Variants in ZNF518A observed in about 807,000 individuals in gnomAD.
ZNF518A encodes the protein zinc finger protein 518A.
Under a neutral mutation model 102.7 loss-of-function variants are expected in ZNF518A, and 47 were observed. The observed-to-expected ratio is 0.46, with a 90% CI of 0.36 to 0.58. The LOEUF (loss-of-function observed/expected upper bound fraction) is 0.58, where lower values mean the gene tolerates loss of function less well. Ranked by LOEUF, ZNF518A falls within the 20% of genes least tolerant of loss-of-function variation. ZNF518A has a pLI of 0.00. For missense variants in ZNF518A, 1,793 were observed against 1,699.8 expected, an observed-to-expected ratio of 1.05 and a Z score of -0.96; for synonymous variants, 652 against 594.6, an observed-to-expected ratio of 1.10 and a Z score of -1.40.
Position 96,156,590 on chromosome 10 carries a change from G to GT in ZNF518A, c.269dup (p.Ser91LysfsTer11). On this transcript the variant is annotated frameshift_variant, in exon 6 of 6. Coordinates refer to ENST00000316045, the MANE Select transcript of ZNF518A (RefSeq NM_001330736.2). LOFTEE classifies it high-confidence loss of function. Reference sequence around the variant, plus strand: ...AAGAAAATCTATCAGTATAAAGACTGTAAGCTGTGTAGAGGAGTGTACATT... The same window carrying GT: ...AAGAAAATCTATCAGTATAAAGACTGTTAAGCTGTGTAGAGGAGTGTACATT... 6.2e-7 allele frequency: 1 copy of GT among 1,613,796 alleles called. No homozygotes were observed. Among genetic ancestry groups the GT allele is most frequent in the Non-Finnish European group, 8.5e-7 (1 of 1,179,760 alleles).
intron 3 of ZNF518A, among the ~76,000 whole-genome samples, chr10:96,134,299 C>A (rs782013678): frequency 1.3e-5 from 2 of 152,168 alleles, no homozygotes; most frequent in Non-Finnish European, 2.9e-5. Flanking sequence ...GGCGCGATCT[C>A]GGCTCACTAC....
chr10:96,152,259 G>A (rs1444859074), intron 3 of ZNF518A, among the ~76,000 whole-genome samples: 5 of 152,300 alleles, frequency 3.3e-5, no homozygotes, highest in East Asian at 1.9e-4. Context: ...GCTGCAGTGA[G>A]CTGAGATCAC....
In ZNF518A at chr10:96,159,176, G is replaced by C; in HGVS notation, c.2854G>C (p.Val952Leu). The C allele has an allele frequency of 6.2e-7, 1 of 1,613,748 alleles. No homozygotes were observed. The highest frequency in any genetic ancestry group is 8.5e-7 in the Non-Finnish European group (1 of 1,179,750). ...CATTACTAACAAGCCTGGGCTACCA[G>C]TTATTCCTGGAAATGCACTTCCATT... ...LNITNKPGLP[V>L]IPGNALPLVN... Residue 952 changes from valine to leucine, a missense_variant, in exon 6 of 6, where the codon GTT becomes CTT. Transcript: ENST00000316045.
chr10:96,189,895 C>T (rs1177637824), intron 1 of ZNF518A: 5 of 1,048,912 alleles, frequency 4.8e-6, no homozygotes, highest in Non-Finnish European at 5.9e-6. Flanking sequence ...CACTAATATG[C>T]ACTGGCCCTG....
intron 1 of ZNF518A, among the ~76,000 whole-genome samples, chr10:96,203,401 A>C (rs1554896688): frequency 6.6e-6 from 1 of 152,182 alleles, no homozygotes. Context: ...GCATGTGGAC[A>C]ATTACTGTTT....
chr10:96,148,517 T>C lies in ZNF518A; in HGVS notation c.-301-6809T>C, dbSNP rs2082275909. On this transcript the variant is annotated intron_variant, in intron 3 of 5. Transcript: ENST00000316045. ...CTTTTTTTGATTTAATTGGTCTGGA[T>C]CTTGAACTAATATTAGAGGGTTTTC... Among the ~76,000 whole-genome samples the C allele has an allele frequency of 2.0e-5, 3 of 147,960 alleles. No individual in the cohort carries two copies. In the South Asian group the frequency reaches 6.6e-4, roughly 32 times the overall value.
At chr10:96,182,095 A>G (rs2083243809) in intron 1 of ZNF518A, among the ~76,000 whole-genome samples, 1 of 152,170 alleles carries the variant, frequency 6.6e-6, no homozygotes, top group Non-Finnish European at 1.5e-5. Flanking sequence ...TTCTCTTTGA[A>G]GCAATTGTGA....
At position 96,144,269 on chromosome 10, in the gene ZNF518A, A is replaced by G. The variant is rs141217875; in HGVS notation, c.-302+10621A>G. 7.1e-3 allele frequency among the ~76,000 whole-genome samples: 1,077 copies of G among 152,254 alleles called. 13 individuals are homozygous for G. Among genetic ancestry groups the G allele is most frequent in the African/African-American group, 0.023 (964 of 41,540 alleles). On this transcript the variant is annotated intron_variant, in intron 3 of 5. Coordinates refer to ENST00000316045, the MANE Select transcript of ZNF518A (RefSeq NM_001330736.2). ...CCAAAGTGCTAGGATTATAGGCATG[A>G]GTCACCATGCCCAGCCTACAACTTC... is the stretch of plus-strand genomic sequence containing the variant.
chr10:96,197,167 G>T, intron 1 of ZNF518A: 1 of 837,592 alleles, frequency 1.2e-6, no homozygotes, highest in Non-Finnish European at 1.8e-6. Flanking sequence ...CATTCCAAAG[G>T]TAAATTATTT....
At chr10:96,201,223 G>A (rs587630683) in intron 1 of ZNF518A, among the ~76,000 whole-genome samples, 12 of 152,254 alleles carry the variant, frequency 7.9e-5, no homozygotes, top group South Asian at 6.2e-4. Context: ...TGGAAATCTC[G>A]AAAATCCTTT....
At chr10:96,165,489 A>AAG (rs2083129911), downstream of ZNF518A, among the ~76,000 whole-genome samples, 1 of 71,964 alleles carries the variant, frequency 1.4e-5, no homozygotes, top group Non-Finnish European at 3.6e-5. Context: ...AAAAAAAAAA[A>AAG]CAGACACCAA....
intron 3 of ZNF518A, among the ~76,000 whole-genome samples, chr10:96,134,108 C>T (rs2081478707): frequency 6.6e-6 from 1 of 152,146 alleles, no homozygotes; most frequent in Non-Finnish European, 1.5e-5. Flanking sequence ...ACATGAAGCT[C>T]AAAGGCAATC....
At chr10:96,148,177 C>T (rs921145292) in intron 3 of ZNF518A, among the ~76,000 whole-genome samples, 4 of 152,144 alleles carry the variant, frequency 2.6e-5, no homozygotes, top group South Asian at 2.1e-4. Context: ...CGGTGGCTCA[C>T]GCCTGTAATC....
chr10:96,159,559 C>T lies in ZNF518A; in HGVS notation c.3237C>T (p.Ser1079=), dbSNP rs370663943. The part of the protein sequence containing the change: ...SEQQSTKLNI[S]DSVKQQNEIF... ...AACAGAGCACTAAGTTGAATATCTCCGATTCAGTAAAACAGCAGAATGAGA... is the reference window on the plus strand; with the variant it reads ...AACAGAGCACTAAGTTGAATATCTCTGATTCAGTAAAACAGCAGAATGAGA... The change falls in exon 6 of 6, where the codon TCC becomes TCT. Residue 1079 remains serine (S), a synonymous_variant. Coordinates refer to ENST00000316045, the MANE Select transcript of ZNF518A (RefSeq NM_001330736.2). 1.2e-5 allele frequency: 19 copies of T among 1,613,712 alleles called. No homozygotes were observed. The highest frequency in any genetic ancestry group is 1.6e-4 in the Middle Eastern group (1 of 6,084).
intron 3 of ZNF518A, among the ~76,000 whole-genome samples, chr10:96,136,182 A>T (rs999583910): frequency 3.3e-5 from 5 of 152,078 alleles, no homozygotes; most frequent in Middle Eastern, 3.4e-3. Flanking sequence ...AAAAATGTGT[A>T]TATTTCTTTT....
At chr10:96,155,480 A>G (rs2082655372) in intron 4 of ZNF518A, 104 bp downstream of exon 4, 2 of 152,208 alleles carry the variant, frequency 1.3e-5, no homozygotes, top group African/African-American at 4.8e-5. Context: ...ATATAAATTC[A>G]TATAGCCAAA....
intron 1 of ZNF518A, among the ~76,000 whole-genome samples, chr10:96,182,916 C>T (rs782540796): frequency 2.6e-5 from 4 of 152,156 alleles, no homozygotes; most frequent in Non-Finnish European, 5.9e-5. Context: ...CCTCTTTGTA[C>T]CTCTAGTAGA....
chr10:96,140,207 G>A (rs587655812), intron 3 of ZNF518A, among the ~76,000 whole-genome samples: 15 of 152,256 alleles, frequency 9.9e-5, no homozygotes, highest in Admixed American at 7.2e-4. Context: ...ATGGATTAAT[G>A]TGGGGAGTAA....
chr10:96,195,662 G>A (rs1313273251), intron 1 of ZNF518A, among the ~76,000 whole-genome samples: 3 of 152,118 alleles, frequency 2.0e-5, no homozygotes, highest in Non-Finnish European at 4.4e-5. Flanking sequence ...GGGGGAAAAG[G>A]GAAACTGTTG....
Sources: allele counts gnomAD v4.1 joint callset (sites outside exome capture counted in the v4.1 genomes callset), GRCh38; gene constraint gnomAD v4.1.1; transcripts MANE v1.5; gene names NCBI Gene and HGNC (gene_info 2026-07-23, HGNC 2026-07-21).